Variants in CCNH observed in about 807,000 individuals in gnomAD.
CCNH encodes cyclin H.
Under a neutral mutation model 41.9 loss-of-function variants are expected in CCNH, and 31 were observed. That is an observed-to-expected ratio of 0.74 (90% CI 0.56 to 1.00). CCNH has a LOEUF of 1.00. Among genes scored for constraint, CCNH ranks in the 50% least tolerant of loss-of-function variants. The pLI is 0.00. For missense variants in CCNH, 362 were observed against 388.4 expected (o/e 0.93, Z 0.57); for synonymous variants, 138 against 136.1 (o/e 1.01, Z -0.10).
intron 5 of CCNH, among the ~76,000 whole-genome samples, chr5:87,404,327 T>C (rs567893160): frequency 1.3e-5 from 2 of 152,276 alleles, no homozygotes; most frequent in Admixed American, 1.3e-4. Flanking sequence ...TGTAAAATAG[T>C]TTTAATTAAC....
chr5:87,410,513 G>A (rs377217363), intron 2 of CCNH, among the ~76,000 whole-genome samples: 14 of 151,834 alleles, frequency 9.2e-5, no homozygotes, highest in Middle Eastern at 3.2e-3. Context: ...CTACTGGGTC[G>A]TAAGCTAGTC....
chr5:87,411,368 A>G (rs1168342713), intron 1 of CCNH, 22 bp from the exon 2 acceptor site: 1 of 1,585,464 alleles, frequency 6.3e-7, no homozygotes, highest in Middle Eastern at 1.7e-4. Context: ...CAATTACAAC[A>G]CAAGTTCAAT....
At chr5:87,409,632 G>GTT (rs1016403217) in intron 2 of CCNH, among the ~76,000 whole-genome samples, 2 of 131,286 alleles carry the variant, frequency 1.5e-5, no homozygotes, top group Non-Finnish European at 3.2e-5. Context: ...AAAAATACGT[G>GTT]TGTGTGTGTG....
At chr5:87,406,555 A>G (rs1273610988) in intron 4 of CCNH, among the ~76,000 whole-genome samples, 5 of 152,058 alleles carry the variant, frequency 3.3e-5, no homozygotes, top group African/African-American at 1.2e-4. Flanking sequence ...CTGACATGAC[A>G]CTCAGGAAAT....
At chr5:87,388,965 A>G (rs191506887), downstream of CCNH, among the ~76,000 whole-genome samples, 5 of 152,210 alleles carry the variant, frequency 3.3e-5, no homozygotes, top group Admixed American at 1.3e-4. Flanking sequence ...TATTGTACAC[A>G]TCTGTCATGC....
chr5:87,315,603 T>G (rs2112317712), downstream of CCNH, among the ~76,000 whole-genome samples: 1 of 152,352 alleles, frequency 6.6e-6, no homozygotes. Context: ...TTTGGGTTTT[T>G]CAGAGACCCT....
At chr5:87,323,366 G>A (rs1359148208) in intron 9 of CCNH, among the ~76,000 whole-genome samples, 7 of 152,140 alleles carry the variant, frequency 4.6e-5, no homozygotes, top group African/African-American at 1.7e-4. Flanking sequence ...TGGGATATAA[G>A]CCTATGTATA....
intron 9 of CCNH, chr5:87,331,281 T>C (rs1012740929): frequency 1.4e-6 from 2 of 1,478,468 alleles, no homozygotes; most frequent in African/African-American, 1.4e-5. Context: ...TAGTATGTTT[T>C]TCAAGTGTCC....
chr5:87,391,928 TTCTG>T (rs1166498501), downstream of CCNH: 1 of 229,806 alleles, frequency 4.4e-6, no homozygotes, highest in East Asian at 6.6e-5. Flanking sequence ...AATTGATTAC[TTCTG>T]TCTAAAAGAG....
intron 9 of CCNH, chr5:87,333,136 G>A: frequency 7.3e-7 from 1 of 1,376,722 alleles, no homozygotes; most frequent in Non-Finnish European, 9.7e-7. Context: ...TATAGTCCAA[G>A]TAAAAATTTA....
intron 9 of CCNH, chr5:87,369,932 CT>C (rs750863016): frequency 1.3e-6 from 2 of 1,524,880 alleles, no homozygotes; most frequent in Non-Finnish European, 1.8e-6. Flanking sequence ...CTACAGTATA[CT>C]TTTATGTTAG....
intron 9 of CCNH, chr5:87,363,637 C>T: frequency 2.0e-6 from 2 of 988,228 alleles, no homozygotes; most frequent in South Asian, 1.4e-5. Flanking sequence ...GTAATTTTTG[C>T]CTTCCTTGCT....
intron 9 of CCNH, chr5:87,341,226 A>G: frequency 2.0e-6 from 2 of 987,824 alleles, no homozygotes; most frequent in Middle Eastern, 3.6e-4. Flanking sequence ...GATTTTCATG[A>G]ATTTTAATAA....
downstream of CCNH, among the ~76,000 whole-genome samples, chr5:87,372,532 T>G (rs910204044): frequency 6.6e-6 from 1 of 152,172 alleles, no homozygotes; most frequent in African/African-American, 2.4e-5. Flanking sequence ...ATCATCAGAT[T>G]TATAGCACTA....
chr5:87,400,024 T>C (rs1017050254), intron 6 of CCNH, among the ~76,000 whole-genome samples: 6 of 152,322 alleles, frequency 3.9e-5, no homozygotes, highest in Middle Eastern at 3.4e-3. Context: ...TATACAAAAA[T>C]GTCCACTTTA....
chr5:87,351,273 C>A (rs1759253718), intron 9 of CCNH, among the ~76,000 whole-genome samples: 1 of 151,178 alleles, frequency 6.6e-6, no homozygotes, highest in African/African-American at 2.4e-5. Flanking sequence ...TGTACAAATT[C>A]TGTGTAAATA....
downstream of CCNH, chr5:87,318,302 A>G (rs1205185654): frequency 6.6e-6 from 1 of 152,222 alleles, no homozygotes; most frequent in African/African-American, 2.4e-5. Flanking sequence ...ATAGGGGAAC[A>G]TGTAAAAAAG....
At chr5:87,384,002 T>G (rs899177405) in intron 9 of CCNH, among the ~76,000 whole-genome samples, 11 of 152,090 alleles carry the variant, frequency 7.2e-5, no homozygotes, top group African/African-American at 2.7e-4. Context: ...TGAGATGGCA[T>G]GATTACACAC....
intron 9 of CCNH, chr5:87,333,383 A>C: frequency 6.2e-7 from 1 of 1,605,232 alleles, no homozygotes. Flanking sequence ...AAAGAGCTAG[A>C]CTTCGAAGAT....
Sources: gnomAD v4.1 joint callset for allele counts (sites outside exome capture counted in the v4.1 genomes callset) on GRCh38, gnomAD v4.1.1 for gene constraint, MANE v1.5 for transcripts, NCBI Gene and HGNC (gene_info 2026-07-23, HGNC 2026-07-21) for gene names.